RUNX1: variants seen among roughly 807,000 people sequenced by gnomAD.
RUNX1 encodes runt-related transcription factor 1.
RUNX1 carries 19 observed loss-of-function variants against 42.8 expected under a neutral mutation model. The observed-to-expected ratio is 0.44, with a 90% CI of 0.31 to 0.65. The LOEUF (loss-of-function observed/expected upper bound fraction) is 0.65, where lower values mean the gene tolerates loss of function less well. Among genes scored for constraint, RUNX1 ranks in the 30% least tolerant of loss-of-function variants. RUNX1 has a pLI of 0.07. For missense variants in RUNX1, 528 were observed against 672.0 expected (o/e 0.79, Z 2.37); for synonymous variants, 271 against 289.4 (o/e 0.94, Z 0.64).
intron 2 of RUNX1, among the ~76,000 whole-genome samples, chr21:34,998,731 T>A (rs375669842): frequency 1.3e-5 from 2 of 152,020 alleles, no homozygotes; most frequent in African/African-American, 4.8e-5. Flanking sequence ...TTAGTAGAGA[T>A]GGGGTTTCAC....
At chr21:34,892,484 G>A (rs1357684455) in intron 3 of RUNX1, among the ~76,000 whole-genome samples, 1 of 152,130 alleles carries the variant, frequency 6.6e-6, no homozygotes, top group African/African-American at 2.4e-5. Context: ...AACCCATTGT[G>A]TACCTCACAA....
chr21:34,998,709 T>G (rs1175848314), intron 2 of RUNX1, among the ~76,000 whole-genome samples: 2 of 151,944 alleles, frequency 1.3e-5, no homozygotes, highest in Non-Finnish European at 2.9e-5. Flanking sequence ...GCCTGGCTAA[T>G]TTTTTGTATT....
At chr21:34,818,519 G>A (rs781042863) in intron 7 of RUNX1, among the ~76,000 whole-genome samples, 5 of 151,684 alleles carry the variant, frequency 3.3e-5, no homozygotes, top group Non-Finnish European at 7.4e-5. Context: ...GCACCTCCTC[G>A]ACTGGAGATG....
In RUNX1 at chr21:34,792,685, G is replaced by GA; in HGVS notation, c.968-76_968-75insT. On this transcript the variant is annotated intron_variant, in intron 8 of 8. Transcript: ENST00000675419. This position sits in a 1 kb window ranked among gnomAD's most constrained non-coding sequence, Gnocchi z 6.9. The stretch of plus-strand genomic sequence containing the variant: ...GGCCACAGCTCTTCCCTCTGCCCCA[G>GA]GGGGCTACCCAGGATGATACCGCCT... 1 of 1,399,612 alleles carries GA rather than the reference G, an allele frequency of 7.1e-7. No homozygotes were observed. Among genetic ancestry groups the GA allele is most frequent in the Non-Finnish European group, 9.7e-7 (1 of 1,035,284 alleles). 86.7% of individuals were successfully genotyped at this position (1,399,612 alleles called of 1,614,324 possible).
intron 2 of RUNX1, among the ~76,000 whole-genome samples, chr21:35,025,509 C>G (rs2059229044): frequency 6.6e-6 from 1 of 152,182 alleles, no homozygotes; most frequent in Non-Finnish European, 1.5e-5. Flanking sequence ...CACACGCTAT[C>G]CCTGGCCAGC....
intron 7 of RUNX1, chr21:34,821,636 G>A (rs763458048): frequency 7.7e-6 from 12 of 1,561,944 alleles, no homozygotes; most frequent in East Asian, 7.1e-5. Context: ...CCTGGCTGGG[G>A]AGAGGGATGG....
At chr21:34,999,417 C>G (rs541324030) in intron 2 of RUNX1, among the ~76,000 whole-genome samples, 34 of 152,344 alleles carry the variant, frequency 2.2e-4, no homozygotes, top group African/African-American at 6.3e-4. Flanking sequence ...GGAGCCCCCA[C>G]AGCTGAGGGT....
At chr21:34,794,916 T>C (rs570174623) in intron 8 of RUNX1, among the ~76,000 whole-genome samples, 21 of 152,174 alleles carry the variant, frequency 1.4e-4, no homozygotes, top group African/African-American at 4.3e-4. Flanking sequence ...TTGCCAGATA[T>C]CCTGCGGGTG....
chr21:35,024,154 G>A (rs1327155813), intron 2 of RUNX1, among the ~76,000 whole-genome samples: 1 of 152,140 alleles, frequency 6.6e-6, no homozygotes, highest in Non-Finnish European at 1.5e-5. Flanking sequence ...AGGAGTGTCT[G>A]GGCAAATTTC....
At chr21:35,022,922 G>T (rs113893951) in intron 2 of RUNX1, among the ~76,000 whole-genome samples, 2,309 of 74,956 alleles carry the variant, frequency 0.031, 34 homozygotes, top group African/African-American at 0.071. Context: ...ATAATAATAA[G>T]GCGGAGATTA....
chr21:34,980,056 G>A (rs62216445), intron 2 of RUNX1, among the ~76,000 whole-genome samples: 57,801 of 152,122 alleles, frequency 0.38, 11,206 homozygotes, highest in East Asian at 0.56. Flanking sequence ...GATTAAATGA[G>A]TCAATATACA....
intron 2 of RUNX1, among the ~76,000 whole-genome samples, chr21:34,903,493 G>A (rs2058193497): frequency 6.6e-6 from 1 of 152,052 alleles, no homozygotes; most frequent in South Asian, 2.1e-4. Context: ...GAATTCCTTA[G>A]AAAGGGAATA....
At chr21:34,871,582 C>G (rs181748102) in intron 5 of RUNX1, among the ~76,000 whole-genome samples, 1 of 152,264 alleles carries the variant, frequency 6.6e-6, no homozygotes, top group Non-Finnish European at 1.5e-5. Flanking sequence ...TTCAAATCAT[C>G]GTGCCCTGAA....
chr21:34,930,110 A>G (rs1383355807), intron 2 of RUNX1, among the ~76,000 whole-genome samples: 1 of 145,746 alleles, frequency 6.9e-6, no homozygotes, highest in East Asian at 2.0e-4. Context: ...ATAAATATAT[A>G]TATTTGAATT....
chr21:34,795,162 G>T (rs2145890130), intron 8 of RUNX1, among the ~76,000 whole-genome samples: 1 of 152,344 alleles, frequency 6.6e-6, no homozygotes, highest in South Asian at 2.1e-4. Flanking sequence ...ATGGCATGTG[G>T]CCTGTGTCCT....
At chr21:34,867,639 A>G (rs2057681646) in intron 5 of RUNX1, among the ~76,000 whole-genome samples, 1 of 152,202 alleles carries the variant, frequency 6.6e-6, no homozygotes, top group African/African-American at 2.4e-5. Flanking sequence ...CCTATCCCAC[A>G]AAACACCATG....
chr21:34,856,330 G>A (rs1210905585), intron 6 of RUNX1: 1 of 518,478 alleles, frequency 1.9e-6, no homozygotes, highest in Non-Finnish European at 3.9e-6. Flanking sequence ...CTGCAATGAG[G>A]CACTACCATT....
intron 3 of RUNX1, chr21:34,887,671 T>C (rs2058018688): frequency 1.9e-6 from 2 of 1,074,746 alleles, no homozygotes; most frequent in Non-Finnish European, 2.3e-6. Flanking sequence ...CTTCCAAAGG[T>C]AGTGCTACTA....
At chr21:34,974,395 C>T (rs532163753) in intron 2 of RUNX1, among the ~76,000 whole-genome samples, 5 of 147,288 alleles carry the variant, frequency 3.4e-5, no homozygotes, top group African/African-American at 1.3e-4. Context: ...AAACCGAAAC[C>T]GTGAAAAAAA....
Sources: gnomAD v4.1 joint callset for allele counts (sites outside exome capture counted in the v4.1 genomes callset) on GRCh38, gnomAD v4.1.1 for gene constraint, Gnocchi (gnomAD v3.1) non-coding constraint, MANE v1.5 for transcripts, NCBI Gene and HGNC (gene_info 2026-07-23, HGNC 2026-07-21) for gene names.